RARS2: variants seen among roughly 807,000 people sequenced by gnomAD.
RARS2 encodes arginyl-tRNA synthetase 2, mitochondrial, also known as probable arginine--tRNA ligase, mitochondrial.
A neutral mutation model predicts 88.5 loss-of-function variants in RARS2; 67 were observed. That is an observed-to-expected ratio of 0.76 (90% CI 0.62 to 0.93). The LOEUF is 0.93. Among genes scored for constraint, RARS2 ranks in the 40% least tolerant of loss-of-function variants. The pLI is 0.00. For missense variants in RARS2, 664 were observed against 684.2 expected, an observed-to-expected ratio of 0.97 and a Z score of 0.33; for synonymous variants, 239 against 230.3, an observed-to-expected ratio of 1.04 and a Z score of -0.34.
intron 8 of RARS2, among the ~76,000 whole-genome samples, chr6:87,532,446 T>C (rs1266600971): frequency 1.3e-5 from 2 of 152,202 alleles, no homozygotes; most frequent in Non-Finnish European, 2.9e-5. Context: ...TAGGACATTC[T>C]AAGCAGAGGG....
At chr6:87,572,071 A>C (rs1194662505) in intron 1 of RARS2, among the ~76,000 whole-genome samples, 1 of 148,170 alleles carries the variant, frequency 6.7e-6, no homozygotes, top group Non-Finnish European at 1.5e-5. Flanking sequence ...AAACATCAGT[A>C]ATAAAGGTTC....
At chr6:87,577,015 C>T (rs1316779359) in intron 1 of RARS2, among the ~76,000 whole-genome samples, 1 of 152,166 alleles carries the variant, frequency 6.6e-6, no homozygotes, top group Non-Finnish European at 1.5e-5. Flanking sequence ...GTTTCACCTG[C>T]TCAGTTGTTG....
At chr6:87,588,645 G>T (rs942270984) in intron 1 of RARS2, among the ~76,000 whole-genome samples, 6 of 152,198 alleles carry the variant, frequency 3.9e-5, no homozygotes, top group Admixed American at 1.3e-4. Context: ...AAAGTGCTGG[G>T]ATTATAGGCA....
At chr6:87,538,733 T>TTTAAAAAA in intron 8 of RARS2, among the ~76,000 whole-genome samples, 1 of 152,012 alleles carries the variant, frequency 6.6e-6, no homozygotes, top group African/African-American at 2.4e-5. Context: ...CCTATTGTTA[T>TTTAAAAAA]TTAAAAAATT....
At chr6:87,578,112 C>A (rs998843358) in intron 1 of RARS2, among the ~76,000 whole-genome samples, 1 of 148,506 alleles carries the variant, frequency 6.7e-6, no homozygotes, top group African/African-American at 2.5e-5. Flanking sequence ...GCGAGACCCC[C>A]CCCCCCGCCA....
At chr6:87,529,749 T>C in intron 9 of RARS2, 101 bp from the exon 10 acceptor site, 1 of 784,892 alleles carries the variant, frequency 1.3e-6, no homozygotes, top group African/African-American at 1.7e-5. Flanking sequence ...GTCACACACA[T>C]GAACACAATA....
intron 5 of RARS2, among the ~76,000 whole-genome samples, chr6:87,554,246 G>A (rs745448652): frequency 6.6e-6 from 1 of 151,956 alleles, no homozygotes; most frequent in East Asian, 1.9e-4. Context: ...TCAATCTGTC[G>A]GCTGTACAAT....
At chr6:87,563,454 T>G (rs1200224004) in intron 3 of RARS2, among the ~76,000 whole-genome samples, 1 of 152,216 alleles carries the variant, frequency 6.6e-6, no homozygotes, top group Non-Finnish European at 1.5e-5. Flanking sequence ...CAATGCTCCT[T>G]TATCATAGTC....
chr6:87,519,222 C>CTA (rs1772989725), intron 14 of RARS2: 1 of 170,538 alleles, frequency 5.9e-6, no homozygotes, highest in Non-Finnish European at 1.1e-5. Context: ...ATATATATAT[C>CTA]TATATATATC....
intron 8 of RARS2, among the ~76,000 whole-genome samples, chr6:87,536,529 C>T (rs1477671488): frequency 6.6e-6 from 1 of 151,318 alleles, no homozygotes; most frequent in African/African-American, 2.4e-5. Flanking sequence ...CCCAGCTACT[C>T]AGGAGGCTGA....
In RARS2 at chr6:87,514,464, G is replaced by A. The variant is rs1393182713; in HGVS notation, c.1686C>T (p.Val562=). The A allele has an allele frequency of 6.2e-7, 1 of 1,612,638 alleles. No individual in the cohort carries two copies. The highest frequency in any genetic ancestry group is 8.5e-7 in the Non-Finnish European group (1 of 1,178,868). ...CAAGAAGTTTCATTCCATTGGCTAG[G>A]ACAGAACGGACAGCTTTGAAAAGAT... is the stretch of plus-strand genomic sequence containing the variant. ...RLHLFKAVRS[V]LANGMKLLGI... is the part of the protein sequence containing the mutation. The change falls in exon 20 of 20, where the codon GTC becomes GTT. Residue 562 remains valine (V), a synonymous_variant. Transcript: ENST00000369536.
chr6:87,547,817 TTTAGTA>T (rs1172497554), intron 6 of RARS2, among the ~76,000 whole-genome samples: 1 of 151,954 alleles, frequency 6.6e-6, no homozygotes, highest in Non-Finnish European at 1.5e-5. Flanking sequence ...TTTTTGTATT[TTTAGTA>T]AAGATGGGGT....
At chr6:87,522,203 G>A (rs7741170) in intron 11 of RARS2, among the ~76,000 whole-genome samples, 9,364 of 152,016 alleles carry the variant, frequency 0.062, 344 homozygotes, top group African/African-American at 0.11. Context: ...GGTGGCGCAC[G>A]CCTGTAATCC....
intron 12 of RARS2, 120 bp from the exon 13 acceptor site, chr6:87,520,376 T>C (rs1050549035): frequency 6.5e-6 from 5 of 764,510 alleles, no homozygotes; most frequent in South Asian, 4.6e-5. Context: ...TCAATTGATA[T>C]GTTTTAACTA....
intron 1 of RARS2, among the ~76,000 whole-genome samples, chr6:87,574,419 G>C (rs1770756724): frequency 6.6e-6 from 1 of 152,176 alleles, no homozygotes; most frequent in Non-Finnish European, 1.5e-5. Context: ...ACAAAGGTGA[G>C]GTAAGCCAAA....
chr6:87,545,555 CAA>C (rs956603344), intron 7 of RARS2, 59 bp downstream of exon 7: 193 of 1,604,282 alleles, frequency 1.2e-4, no homozygotes, highest in Non-Finnish European at 1.4e-5. Context: ...CTGTCCAGAT[CAA>C]AGTTTTTACA....
At chr6:87,545,966 C>T (rs1366192448) in intron 6 of RARS2, among the ~76,000 whole-genome samples, 5 of 150,250 alleles carry the variant, frequency 3.3e-5, no homozygotes, top group African/African-American at 1.2e-4. Flanking sequence ...GATTTGAGGA[C>T]ATGTTAGAGT....
At chr6:87,546,335 T>A (rs1421779374) in intron 6 of RARS2, among the ~76,000 whole-genome samples, 1 of 152,158 alleles carries the variant, frequency 6.6e-6, no homozygotes, top group Non-Finnish European at 1.5e-5. Context: ...GTCTTCTAGG[T>A]TTGGGCAATC....
At chr6:87,520,353 C>T in intron 12 of RARS2, 97 bp from the exon 13 acceptor site, 3 of 982,988 alleles carry the variant, frequency 3.1e-6, no homozygotes, top group Non-Finnish European at 4.7e-6. Flanking sequence ...TGAGGTCTGA[C>T]AGACTAAAGT....
Sources: allele counts gnomAD v4.1 joint callset (sites outside exome capture counted in the v4.1 genomes callset), GRCh38; gene constraint gnomAD v4.1.1; transcripts MANE v1.5; gene names NCBI Gene and HGNC (gene_info 2026-07-23, HGNC 2026-07-21).